Variants in BRCA2 observed in about 807,000 individuals in gnomAD.
BRCA2 encodes the protein breast cancer type 2 susceptibility protein.
A neutral mutation model predicts 276.7 loss-of-function variants in BRCA2; 203 were observed. The observed-to-expected ratio is 0.73, with a 90% CI of 0.65 to 0.82. The LOEUF is 0.82. Ranked by LOEUF, BRCA2 falls within the 40% of genes least tolerant of loss-of-function variation. BRCA2 has a pLI of 0.00. For missense variants in BRCA2, 3,920 were observed against 3,915.0 expected (o/e 1.00, Z -0.03); for synonymous variants, 1,289 against 1,338.4 (o/e 0.96, Z 0.81).
rs80359153 is a variant in BRCA2 at position 32,379,802 on chromosome 13, A to T, written c.9006A>T (p.Glu3002Asp). The change falls in exon 23 of 27, where the codon GAA becomes GAT. Residue 3002 changes from glutamate (E) to aspartate (D), a missense_variant. Around this residue, in one of 2 missense-constraint regions of BRCA2, gnomAD observed 657 missense variants for 758.2 expected, o/e 0.87. Transcript: ENST00000380152. ...PSSDLYSLLTEGKRYRIYHLA... is the reference protein window; with the variant it reads ...PSSDLYSLLTDGKRYRIYHLA... ...CAGATTTATATTCTCTGTTAACAGA[A>T]GGAAAGAGATACAGAATTTATCATC... The T allele has an allele frequency of 3.7e-6, 6 of 1,612,386 alleles. No homozygotes were observed. The highest frequency in any genetic ancestry group is 4.2e-6 in the Non-Finnish European group (5 of 1,178,420).
chr13:32,388,557 C>CGTTA (rs1015450870), intron 24 of BRCA2, among the ~76,000 whole-genome samples: 10 of 151,770 alleles, frequency 6.6e-5, no homozygotes, highest in Non-Finnish European at 5.9e-5. Flanking sequence ...ACAGGCCTTG[C>CGTTA]GTTAGATGAT....
chr13:32,348,650 T>C (rs757724256), intron 13 of BRCA2, among the ~76,000 whole-genome samples: 1 of 152,150 alleles, frequency 6.6e-6, no homozygotes, highest in African/African-American at 2.4e-5. Flanking sequence ...AGATCTCTTG[T>C]GCGCTTTTCT....
chr13:32,333,242 T>G lies in BRCA2; in HGVS notation c.1764T>G (p.Asn588Lys), dbSNP rs1235065739. 3 of 1,611,934 alleles carry G rather than the reference T, an allele frequency of 1.9e-6. No homozygotes were observed. Among genetic ancestry groups the G allele is most frequent in the Non-Finnish European group, 2.5e-6 (3 of 1,178,892 alleles). The change falls in exon 10 of 27, where the codon AAT becomes AAG. Residue 588 changes from asparagine (N) to lysine (K), a missense_variant. Physicochemically the swap from Asn to Lys is moderately conservative, Grantham distance 94. Around this residue, in one of 2 missense-constraint regions of BRCA2, gnomAD observed 3,263 missense variants for 3,156.9 expected, o/e 1.03. Coordinates refer to ENST00000380152, the MANE Select transcript of BRCA2 (RefSeq NM_000059.4). ...TATCCACTTTGAAAAAGAAAACAAATAAGTTTATTTATGCTATACATGATG... is the reference window on the plus strand; with the variant it reads ...TATCCACTTTGAAAAAGAAAACAAAGAAGTTTATTTATGCTATACATGATG... The part of the protein sequence containing the change: ...GLISTLKKKT[N>K]KFIYAIHDET...
intron 2 of BRCA2, among the ~76,000 whole-genome samples, chr13:32,317,963 T>C (rs916651672): frequency 6.6e-6 from 1 of 152,238 alleles, no homozygotes; most frequent in African/African-American, 2.4e-5. Context: ...AGAAGTGCTT[T>C]ATGTATGCTT....
rs1475899645 is a variant in BRCA2 at position 32,370,640 on chromosome 13, G to A, written c.8487+83G>A. On this transcript the variant is annotated intron_variant, in intron 19 of 26. Transcript: ENST00000380152. ...TTTGTTTGTTTGAGATGGAGTTTCG[G>A]TCTCTTGCCCAGGCTGGAGTGCAAT... 26 of 1,458,944 alleles carry A rather than the reference G, an allele frequency of 1.8e-5. No homozygotes were observed. In the East Asian group the frequency reaches 1.9e-4, roughly 11 times the overall value. 90.4% of individuals were successfully genotyped at this position (1,458,944 alleles called of 1,614,324 possible).
intron 18 of BRCA2, 136 bp downstream of exon 18, chr13:32,363,669 T>C (rs1282290870): frequency 4.6e-6 from 4 of 875,036 alleles, no homozygotes; most frequent in Non-Finnish European, 6.9e-6. Flanking sequence ...ATAAAAAGCA[T>C]ATTCTTCAGA....
At chr13:32,370,360 C>T (rs2072817951) in intron 18 of BRCA2, 42 bp from the exon 19 acceptor site, 3 of 1,554,222 alleles carry the variant, frequency 1.9e-6, no homozygotes, top group African/African-American at 1.4e-5. Context: ...GAATTGAATA[C>T]ATATTTAACT....
intron 18 of BRCA2, among the ~76,000 whole-genome samples, chr13:32,365,501 C>T (rs1225528737): frequency 1.3e-5 from 2 of 152,108 alleles, no homozygotes; most frequent in Non-Finnish European, 2.9e-5. Context: ...CTGTCTCAGC[C>T]TCCCGAGTAG....
At chr13:32,390,107 T>G (rs2072986766) in intron 24 of BRCA2, among the ~76,000 whole-genome samples, 1 of 152,218 alleles carries the variant, frequency 6.6e-6, no homozygotes, top group African/African-American at 2.4e-5. Flanking sequence ...AGTGTTAAAG[T>G]TCTATTAGAA....
chr13:32,339,090 G>T lies in BRCA2; in HGVS notation c.4735G>T (p.Ala1579Ser), dbSNP rs1566231045. 6.2e-7 allele frequency: 1 copy of T among 1,614,012 alleles called. No individual in the cohort carries two copies. ...AGAGGCCTGTAAAGACCTTGAATTA[G>T]CATGTGAGACCATTGAGATCACAGC... ...YREACKDLEL[A>S]CETIEITAAP... is the part of the protein sequence containing the mutation. The change falls in exon 11 of 27, where the codon GCA becomes TCA. Residue 1579 changes from alanine (A) to serine (S), a missense_variant. This residue lies in a region of BRCA2 where 3,263 missense variants were observed against 3,156.9 expected (regional missense o/e 1.03). Transcript: ENST00000380152.
At chr13:32,369,449 G>A (rs1482898769) in intron 18 of BRCA2, among the ~76,000 whole-genome samples, 1 of 152,120 alleles carries the variant, frequency 6.6e-6, no homozygotes, top group African/African-American at 2.4e-5. Flanking sequence ...TTTGTTTCAT[G>A]TTAACTCCTT....
intron 13 of BRCA2, among the ~76,000 whole-genome samples, chr13:32,348,608 G>C (rs1389935932): frequency 6.6e-6 from 1 of 152,278 alleles, no homozygotes; most frequent in East Asian, 1.9e-4. Context: ...TTAAGTGTGA[G>C]GGTAGACATT....
chr13:32,350,192 T>A (rs1228004138), intron 13 of BRCA2, among the ~76,000 whole-genome samples: 1 of 151,518 alleles, frequency 6.6e-6, no homozygotes, highest in African/African-American at 2.4e-5. Context: ...TAAACAGACA[T>A]CCAAAGATTA....
At chr13:32,330,154 T>G (rs981812271) in intron 8 of BRCA2, among the ~76,000 whole-genome samples, 3 of 152,208 alleles carry the variant, frequency 2.0e-5, no homozygotes, top group Non-Finnish European at 4.4e-5. Flanking sequence ...AGTTTTCGTT[T>G]AGGCTCTATG....
At chr13:32,365,721 CTTTTTTTT>C (rs36116910) in intron 18 of BRCA2, among the ~76,000 whole-genome samples, 2 of 105,882 alleles carry the variant, frequency 1.9e-5, no homozygotes, top group Non-Finnish European at 3.7e-5. Flanking sequence ...ACTTTGGTGT[CTTTTTTTT>C]TTTTTTTTTT....
rs1555286800 is a variant in BRCA2 at position 32,362,504 on chromosome 13, T to C, written c.7806-19T>C. On this transcript the variant is annotated intron_variant, in intron 16 of 26. Transcript: ENST00000380152. ...TCCTATGTGGTTTTTATGATAATATTCTACTTTTATTTGTTCAGGGCTCTG... is the reference window on the plus strand; with the variant it reads ...TCCTATGTGGTTTTTATGATAATATCCTACTTTTATTTGTTCAGGGCTCTG... 6.2e-7 allele frequency: 1 copy of C among 1,608,114 alleles called. No individual in the cohort carries two copies. Among genetic ancestry groups the C allele is most frequent in the Non-Finnish European group, 8.5e-7 (1 of 1,174,530 alleles).
At chr13:32,330,882 T>G in intron 8 of BRCA2, 37 bp from the exon 9 acceptor site, 1 of 1,309,696 alleles carries the variant, frequency 7.6e-7, no homozygotes, top group Admixed American at 1.8e-5. Context: ...GCATTGAGAG[T>G]TTTTATACTA....
chr13:32,361,669 A>C lies in BRCA2; in HGVS notation c.7806-854A>C, dbSNP rs1227774971. On this transcript the variant is annotated intron_variant, in intron 16 of 26. Coordinates refer to ENST00000380152, the MANE Select transcript of BRCA2 (RefSeq NM_000059.4). ...GTAGGAGCTAGTGCACAAATGGTAG[A>C]AGAGGGCAAAGTGTAAGGATGCAGA... Among the ~76,000 whole-genome samples, 4 of 152,186 alleles carry C rather than the reference A, an allele frequency of 2.6e-5. No individual in the cohort carries two copies. In the East Asian group the frequency reaches 7.7e-4, roughly 29 times the overall value.
At chr13:32,395,787 G>A (rs1438924766) in intron 25 of BRCA2, among the ~76,000 whole-genome samples, 2 of 151,930 alleles carry the variant, frequency 1.3e-5, no homozygotes, top group Non-Finnish European at 2.9e-5. Flanking sequence ...AAAAGCATTA[G>A]AGTAGCTGTA....
Sources: gnomAD v4.1 joint callset for allele counts (sites outside exome capture counted in the v4.1 genomes callset) on GRCh38, gnomAD v4.1.1 for gene constraint, gnomAD v4.1.1 regional missense constraint, MANE v1.5 for transcripts, NCBI Gene and HGNC (gene_info 2026-07-23, HGNC 2026-07-21) for gene names.